The following RABGAP1L variants were observed in gnomAD, a reference collection of about 807,000 sequenced individuals.
The protein encoded by RABGAP1L is RAB GTPase activating protein 1 like, also known as rab GTPase-activating protein 1-like.
RABGAP1L carries 63 observed loss-of-function variants against 137.7 expected under a neutral mutation model. That is an observed-to-expected ratio of 0.46 (90% CI 0.37 to 0.56). The LOEUF is 0.56. RABGAP1L is among the 20% of genes least tolerant of loss of function. The pLI, the probability that RABGAP1L is intolerant of heterozygous loss-of-function variation, is 0.00. For synonymous variants in RABGAP1L, 431 were observed against 433.7 expected (o/e 0.99, Z 0.08); for missense variants, 1,095 against 1,244.0 (o/e 0.88, Z 1.80).
chr1:174,394,155 A>T lies in RABGAP1L; in HGVS notation c.1710+10A>T. 1 of 1,608,022 alleles carries T rather than the reference A, an allele frequency of 6.2e-7. No homozygotes were observed. Among genetic ancestry groups the T allele is most frequent in the Non-Finnish European group, 8.5e-7 (1 of 1,177,276 alleles). ...AATTCTTATCACAAAGGTAGGAAGA[A>T]GTTCTTTTCATATTATTTTCATTGG... On this transcript the variant is annotated intron_variant, in intron 13 of 25. Transcript: ENST00000681986.
intron 1 of RABGAP1L, among the ~76,000 whole-genome samples, chr1:174,192,384 C>G (rs547463753): frequency 7.0e-6 from 1 of 142,224 alleles, no homozygotes; most frequent in South Asian, 2.2e-4. Context: ...AGTGCAGTGG[C>G]ATGATCTTGG....
chr1:174,978,386 A>G (rs1205209342), intron 22 of RABGAP1L, among the ~76,000 whole-genome samples: 1 of 152,230 alleles, frequency 6.6e-6, no homozygotes, highest in Non-Finnish European at 1.5e-5. Context: ...TAACAGCAGT[A>G]AAGGTAGACT....
intron 13 of RABGAP1L, among the ~76,000 whole-genome samples, chr1:174,584,646 GCCA>G (rs1668983669): frequency 1.3e-5 from 2 of 152,256 alleles, no homozygotes; most frequent in South Asian, 4.2e-4. Context: ...GATGGGCTTG[GCCA>G]CTTTGTAAGA....
chr1:174,776,594 C>G (rs1686544583), intron 18 of RABGAP1L, among the ~76,000 whole-genome samples: 1 of 152,118 alleles, frequency 6.6e-6, no homozygotes, highest in African/African-American at 2.4e-5. Flanking sequence ...TGCTTGCATT[C>G]AGTTCCTTCT....
intron 19 of RABGAP1L, among the ~76,000 whole-genome samples, chr1:174,816,447 C>G (rs185151587): frequency 2.2e-4 from 33 of 151,642 alleles, no homozygotes; most frequent in Admixed American, 2.0e-4. Context: ...CACCAGGCCT[C>G]GTAATATATA....
At chr1:174,664,734 C>CTTCCAATCTGATTTT (rs1676641842) in intron 14 of RABGAP1L, among the ~76,000 whole-genome samples, 1 of 97,580 alleles carries the variant, frequency 1.0e-5, no homozygotes, top group African/African-American at 5.2e-5. Context: ...TTTCTGCTTT[C>CTTCCAATCTGATTTT]TTTTTTTTTT....
At chr1:174,549,847 C>T (rs1666292643) in intron 13 of RABGAP1L, among the ~76,000 whole-genome samples, 1 of 152,150 alleles carries the variant, frequency 6.6e-6, no homozygotes, top group Non-Finnish European at 1.5e-5. Context: ...TTCAGCCTCA[C>T]CCAAGGTTTT....
Position 174,233,607 on chromosome 1 carries a change from A to G in RABGAP1L, c.542+2252A>G, listed in dbSNP as rs1670885240. Among the ~76,000 whole-genome samples, 3 of 138,976 alleles carry G rather than the reference A, an allele frequency of 2.2e-5. No homozygotes were observed. In the South Asian group the frequency reaches 6.5e-4, roughly 30 times the overall value. 91.2% of individuals were successfully genotyped at this position (138,976 alleles called of 152,430 possible). A position where few individuals can be genotyped will look rare whatever the true frequency, so the allele number is the denominator to read the frequency against. On this transcript the variant is annotated intron_variant, in intron 4 of 25. Coordinates refer to ENST00000681986, the MANE Select transcript of RABGAP1L (RefSeq NM_001366446.1). Reference sequence around the variant, plus strand: ...AAAGGACATGAACTCATCATTTTTTATGGCTGCATAGTATTCCATGGTGTA... The same window carrying G: ...AAAGGACATGAACTCATCATTTTTTGTGGCTGCATAGTATTCCATGGTGTA...
chr1:174,600,330 C>T (rs943789182), intron 13 of RABGAP1L, among the ~76,000 whole-genome samples: 1 of 152,114 alleles, frequency 6.6e-6, no homozygotes, highest in Non-Finnish European at 1.5e-5. Flanking sequence ...CTGGCCCTTC[C>T]AAATTTCATG....
At chr1:174,572,793 T>C (rs1304496879) in intron 13 of RABGAP1L, among the ~76,000 whole-genome samples, 1 of 152,226 alleles carries the variant, frequency 6.6e-6, no homozygotes, top group Non-Finnish European at 1.5e-5. Flanking sequence ...TGAAACTTGC[T>C]CTACTACTTT....
intron 13 of RABGAP1L, among the ~76,000 whole-genome samples, chr1:174,559,874 G>A (rs183944537): frequency 4.1e-4 from 63 of 152,288 alleles, no homozygotes; most frequent in African/African-American, 1.2e-3. Flanking sequence ...GGTGGCTCAC[G>A]CCTGTAATCT....
At position 174,734,015 on chromosome 1, in the gene RABGAP1L, A is replaced by C. The variant is rs962721955; in HGVS notation, c.2170-18298A>C. Among the ~76,000 whole-genome samples, 9 of 152,226 alleles carry C rather than the reference A, an allele frequency of 5.9e-5. 1 individual carries two copies. The highest frequency in any genetic ancestry group is 5.9e-4 in the Admixed American group (9 of 15,288). On this transcript the variant is annotated intron_variant, in intron 17 of 25. Transcript: ENST00000681986. ...GCTGATGGTTTAACTGTTCGTTGTG[A>C]GAGAAAGAAAGGATAATTCTATGAT...
At chr1:174,825,155 A>G (rs1340700213) in intron 19 of RABGAP1L, among the ~76,000 whole-genome samples, 1 of 152,184 alleles carries the variant, frequency 6.6e-6, no homozygotes, top group Non-Finnish European at 1.5e-5. Flanking sequence ...ATTACTGTAT[A>G]TGTAGTTAAT....
rs566181911 is a variant in RABGAP1L, at chr1:174,877,325, A to G, written c.2340+65365A>G. 8 of 1,305,424 alleles carry G rather than the reference A, an allele frequency of 6.1e-6. No homozygotes were observed. The South Asian group carries it at 7.8e-5, about 13-fold the overall frequency. 80.9% of individuals were successfully genotyped at this position (1,305,424 alleles called of 1,614,324 possible). On this transcript the variant is annotated intron_variant, in intron 19 of 25. Transcript: ENST00000681986. ...AATTGCTAGCCAAGCCTGTGATAGC[A>G]GCCGCTTTTTTTTTCTTTCTCTTTC...
chr1:174,629,813 C>T (rs1005952631), intron 13 of RABGAP1L, among the ~76,000 whole-genome samples: 10 of 152,212 alleles, frequency 6.6e-5, no homozygotes, highest in South Asian at 2.1e-4. Flanking sequence ...CGTGAGCCAT[C>T]GCGCCTGGCC....
chr1:174,736,746 C>A (rs1441497567), intron 17 of RABGAP1L, among the ~76,000 whole-genome samples: 1 of 152,230 alleles, frequency 6.6e-6, no homozygotes, highest in Non-Finnish European at 1.5e-5. Context: ...TTCATGCTTG[C>A]ATTCTGTGTA....
intron 1 of RABGAP1L, among the ~76,000 whole-genome samples, chr1:174,184,568 CTG>C (rs779148863): frequency 1.3e-5 from 2 of 152,042 alleles, no homozygotes; most frequent in Non-Finnish European, 2.9e-5. Flanking sequence ...AAAACGAAAT[CTG>C]TCAGCATTTT....
rs553429639 is a variant in RABGAP1L at position 174,849,743 on chromosome 1, G to C, written c.2340+37783G>C. On this transcript the variant is annotated intron_variant, in intron 19 of 25. Coordinates refer to ENST00000681986, the MANE Select transcript of RABGAP1L (RefSeq NM_001366446.1). ...AATTCGCATCTTTCTGTTCTAAATG[G>C]TATTCTTGGGCTATTTTCTCAGCAG... is the stretch of plus-strand genomic sequence containing the variant. 6.2e-6 allele frequency: 3 copies of C among 482,604 alleles called. No homozygotes were observed. In the East Asian group the frequency reaches 1.8e-4, roughly 29 times the overall value. The allele number at this position is 482,604 out of a possible 1,614,324, so 29.9% of individuals were successfully genotyped here.
chr1:174,715,069 C>T (rs1244694923), intron 17 of RABGAP1L, among the ~76,000 whole-genome samples: 1 of 152,056 alleles, frequency 6.6e-6, no homozygotes, highest in Non-Finnish European at 1.5e-5. Context: ...GAAGTGGTAG[C>T]TGGATCCAAA....
Sources: allele counts gnomAD v4.1 joint callset (sites outside exome capture counted in the v4.1 genomes callset), GRCh38; gene constraint gnomAD v4.1.1; transcripts MANE v1.5; gene names NCBI Gene and HGNC (gene_info 2026-07-23, HGNC 2026-07-21).